MAF: variants seen among roughly 807,000 people sequenced by gnomAD.
The protein encoded by MAF is MAF bZIP transcription factor.
A neutral mutation model predicts 22.0 loss-of-function variants in MAF; 10 were observed. That is an observed-to-expected ratio of 0.45 (90% CI 0.28 to 0.77). The LOEUF (loss-of-function observed/expected upper bound fraction) is 0.77, where lower values mean the gene tolerates loss of function less well. Among genes scored for constraint, MAF ranks in the 30% least tolerant of loss-of-function variants. MAF has a pLI of 0.12. For synonymous variants in MAF, 337 were observed against 255.8 expected, an observed-to-expected ratio of 1.32 and a Z score of -3.03; for missense variants, 544 against 548.4, an observed-to-expected ratio of 0.99 and a Z score of 0.08.
chr16:79,347,618 G>A, the MAF span, among the ~76,000 whole-genome samples: 2 of 152,174 alleles, frequency 1.3e-5, no homozygotes, highest in African/African-American at 2.4e-5. Context: ...AGGTGTCAGA[G>A]AAAGATCTGA....
the MAF span, among the ~76,000 whole-genome samples, chr16:79,208,340 A>G: frequency 2.6e-5 from 4 of 151,768 alleles, no homozygotes; most frequent in African/African-American, 9.7e-5. Flanking sequence ...ATGATTAGCA[A>G]CCATATACAA....
chr16:79,499,565 T>C, the MAF span, among the ~76,000 whole-genome samples: 1 of 152,158 alleles, frequency 6.6e-6, no homozygotes, highest in African/African-American at 2.4e-5. Context: ...GTCACGAGAA[T>C]GGGGTCATCA....
chr16:79,393,794 A>C, the MAF span, among the ~76,000 whole-genome samples: 2 of 152,190 alleles, frequency 1.3e-5, no homozygotes, highest in African/African-American at 4.8e-5. Flanking sequence ...TAAAATCAAA[A>C]GAGGTGTTTA....
the MAF span, among the ~76,000 whole-genome samples, chr16:79,281,410 G>C: frequency 6.6e-6 from 1 of 152,028 alleles, no homozygotes; most frequent in African/African-American, 2.4e-5. Flanking sequence ...AGAGCCATAG[G>C]GTACTTAATA....
chr16:79,592,387 G>A (rs1478009888), downstream of MAF, among the ~76,000 whole-genome samples: 1 of 152,146 alleles, frequency 6.6e-6, no homozygotes, highest in Non-Finnish European at 1.5e-5. Context: ...CAGGAGCTGG[G>A]GCGGAGCAAT....
chr16:79,319,869 G>C, the MAF span, among the ~76,000 whole-genome samples: 2,412 of 152,292 alleles, frequency 0.016, 16 homozygotes, highest in Middle Eastern at 0.044. Context: ...GGATGCAGTG[G>C]CTGAGGTTAG....
At chr16:79,403,609 G>A in the MAF span, among the ~76,000 whole-genome samples, 1 of 152,174 alleles carries the variant, frequency 6.6e-6, no homozygotes, top group African/African-American at 2.4e-5. Context: ...CAGGGGCCTT[G>A]CCTGACCCAC....
At chr16:79,231,418 C>T in the MAF span, among the ~76,000 whole-genome samples, 897 of 152,106 alleles carry the variant, frequency 5.9e-3, 11 homozygotes, top group Non-Finnish European at 0.01. Flanking sequence ...GTCTAAATCA[C>T]GAAAGCTGAC....
the MAF span, among the ~76,000 whole-genome samples, chr16:79,294,904 A>G: frequency 1.3e-5 from 2 of 152,222 alleles, no homozygotes; most frequent in Admixed American, 1.3e-4. Context: ...CAGACATGGA[A>G]CAAGGAACAA....
At chr16:79,282,876 A>G in the MAF span, among the ~76,000 whole-genome samples, 1 of 152,202 alleles carries the variant, frequency 6.6e-6, no homozygotes, top group Non-Finnish European at 1.5e-5. Context: ...AGCTAAACCC[A>G]TTCATTAATC....
At chr16:79,211,529 T>C in the MAF span, 2 of 1,592,848 alleles carry the variant, frequency 1.3e-6, no homozygotes, top group Non-Finnish European at 1.7e-6. Flanking sequence ...GGCCTGCTAA[T>C]GCCCAGGCAG....
chr16:79,371,698 C>G, the MAF span, among the ~76,000 whole-genome samples: 1 of 152,220 alleles, frequency 6.6e-6, no homozygotes, highest in African/African-American at 2.4e-5. Context: ...GCCTCAGGTC[C>G]TGTCTCCCTC....
At chr16:79,240,984 G>A in the MAF span, among the ~76,000 whole-genome samples, 18 of 152,106 alleles carry the variant, frequency 1.2e-4, no homozygotes, top group African/African-American at 4.1e-4. Context: ...AAACAGAAAG[G>A]AATTGCATCA....
chr16:79,343,072 A>G, the MAF span, among the ~76,000 whole-genome samples: 5 of 152,188 alleles, frequency 3.3e-5, no homozygotes, highest in African/African-American at 1.2e-4. Context: ...ACTGTGTTGG[A>G]GGCAAGAGAA....
At chr16:79,412,016 G>A in the MAF span, among the ~76,000 whole-genome samples, 34 of 152,266 alleles carry the variant, frequency 2.2e-4, no homozygotes, top group South Asian at 2.9e-3. Flanking sequence ...CACTTTGTGC[G>A]ACACCTTGCT....
chr16:79,248,495 C>T, the MAF span, among the ~76,000 whole-genome samples: 1,455 of 152,184 alleles, frequency 9.6e-3, 28 homozygotes, highest in African/African-American at 0.033. Context: ...CTTGTTTTTC[C>T]ACAGGAATTT....
chr16:79,453,040 T>C, the MAF span, among the ~76,000 whole-genome samples: 1 of 152,206 alleles, frequency 6.6e-6, no homozygotes, highest in Non-Finnish European at 1.5e-5. Context: ...GACAGATGGC[T>C]TTGGGATGGA....
At chr16:79,213,355 G>A in the MAF span, among the ~76,000 whole-genome samples, 1 of 152,158 alleles carries the variant, frequency 6.6e-6, no homozygotes, top group Non-Finnish European at 1.5e-5. Context: ...CCTCCCATCT[G>A]GCTATAGTCT....
the MAF span, among the ~76,000 whole-genome samples, chr16:79,437,904 C>G: frequency 1.3e-5 from 2 of 152,098 alleles, no homozygotes; most frequent in African/African-American, 2.4e-5. Context: ...GGACACAGGC[C>G]AGGCGGGAGG....
Sources: allele counts gnomAD v4.1 joint callset (sites outside exome capture counted in the v4.1 genomes callset), GRCh38; gene constraint gnomAD v4.1.1; transcripts MANE v1.5; gene names NCBI Gene and HGNC (gene_info 2026-07-23, HGNC 2026-07-21).